The following MBOAT2 variants were observed in gnomAD, a reference collection of about 807,000 sequenced individuals.
MBOAT2 encodes membrane-bound glycerophospholipid O-acyltransferase 2.
In MBOAT2, 28 loss-of-function variants were observed where a neutral mutation model predicts 63.4. That is an observed-to-expected ratio of 0.44 (90% CI 0.33 to 0.61). The LOEUF is 0.61. Ranked by LOEUF, MBOAT2 falls within the 20% of genes least tolerant of loss-of-function variation. MBOAT2 has a pLI of 0.03. For missense variants in MBOAT2, 470 were observed against 605.8 expected, an observed-to-expected ratio of 0.78 and a Z score of 2.35; for synonymous variants, 211 against 215.6, an observed-to-expected ratio of 0.98 and a Z score of 0.19.
chr2:8,995,716 A>G (rs1573281807), intron 1 of MBOAT2, among the ~76,000 whole-genome samples: 1 of 149,160 alleles, frequency 6.7e-6, no homozygotes, highest in Non-Finnish European at 1.5e-5. Context: ...TCAGCCTCCC[A>G]AGTAGCTGGG....
chr2:8,920,117 GC>G (rs1246456689), intron 3 of MBOAT2, among the ~76,000 whole-genome samples: 1 of 152,024 alleles, frequency 6.6e-6, no homozygotes, highest in Admixed American at 6.6e-5. Flanking sequence ...AGAAGTCTTT[GC>G]CCAATCACAA....
At chr2:8,974,699 T>C (rs1347409722) in intron 1 of MBOAT2, among the ~76,000 whole-genome samples, 5 of 152,182 alleles carry the variant, frequency 3.3e-5, no homozygotes, top group Admixed American at 2.6e-4. Flanking sequence ...TGGGCATTTA[T>C]TATCTACTCC....
intron 12 of MBOAT2, among the ~76,000 whole-genome samples, chr2:8,859,227 C>T (rs1197914731): frequency 6.6e-6 from 1 of 152,122 alleles, no homozygotes; most frequent in Non-Finnish European, 1.5e-5. Context: ...ATCTGAAAAT[C>T]TCCCCAATCC....
chr2:9,003,150 C>A lies in MBOAT2; in HGVS notation c.75+390G>T, dbSNP rs572057794. Among the ~76,000 whole-genome samples, 15 of 152,260 alleles carry A rather than the reference C, an allele frequency of 9.9e-5. No homozygotes were observed. The highest frequency in any genetic ancestry group is 3.4e-4 in the African/African-American group (14 of 41,556). On this transcript the variant is annotated intron_variant, in intron 1 of 12. Coordinates refer to ENST00000305997, the MANE Select transcript of MBOAT2 (RefSeq NM_138799.4). The surrounding 1 kb of genome is among the most constrained non-coding windows in gnomAD (Gnocchi z 5.4). ...CCAGGCTCCCCAAAGCGCAGCCTTC[C>A]GCACCCTTTCCACAACCCGGTCCAT...
At chr2:8,958,007 T>C (rs1669347342) in intron 2 of MBOAT2, among the ~76,000 whole-genome samples, 1 of 152,266 alleles carries the variant, frequency 6.6e-6, no homozygotes, top group Non-Finnish European at 1.5e-5. Context: ...AAGCTTTCCA[T>C]CATAAATAAT....
In MBOAT2 at chr2:8,862,431, T is replaced by G; in HGVS notation, c.1185+159A>C. The stretch of plus-strand genomic sequence containing the variant: ...ATGGAGCCTAGCCCGTGGTGAGCGC[T>G]CAGCAAACATGCACGCAGTACACAC... On this transcript the variant is annotated intron_variant, in intron 11 of 12. Transcript: ENST00000305997. The surrounding 1 kb of genome is among the most constrained non-coding windows in gnomAD (Gnocchi z 4.3). 1 of 1,313,258 alleles carries G rather than the reference T, an allele frequency of 7.6e-7. No individual in the cohort carries two copies. The allele number at this position is 1,313,258 out of a possible 1,614,324, so 81.4% of individuals were successfully genotyped here.
chr2:8,881,321 G>A (rs1055098157), intron 6 of MBOAT2, among the ~76,000 whole-genome samples: 10 of 152,280 alleles, frequency 6.6e-5, no homozygotes, highest in African/African-American at 2.2e-4. Context: ...GAGTATGGGG[G>A]ACGGTGTGTT....
intron 4 of MBOAT2, among the ~76,000 whole-genome samples, chr2:8,893,264 AG>A (rs1664153629): frequency 6.6e-6 from 1 of 152,170 alleles, no homozygotes; most frequent in Non-Finnish European, 1.5e-5. Flanking sequence ...GTTTTTGACC[AG>A]GGTAACTAAC....
chr2:8,924,850 A>G (rs1666831611), intron 3 of MBOAT2, among the ~76,000 whole-genome samples: 1 of 152,164 alleles, frequency 6.6e-6, no homozygotes, highest in Non-Finnish European at 1.5e-5. Context: ...TATTGGTATT[A>G]AGCAAGATTA....
At chr2:8,972,976 C>G (rs1670558086) in intron 1 of MBOAT2, among the ~76,000 whole-genome samples, 1 of 152,196 alleles carries the variant, frequency 6.6e-6, no homozygotes, top group African/African-American at 2.4e-5. Flanking sequence ...CCTCAAGGAT[C>G]TCGAACTAGA....
At chr2:8,961,515 T>A (rs1032057665) in intron 1 of MBOAT2, among the ~76,000 whole-genome samples, 14 of 151,756 alleles carry the variant, frequency 9.2e-5, no homozygotes, top group African/African-American at 3.4e-4. Flanking sequence ...CACAGGGCCA[T>A]CCACAGGGGA....
At chr2:8,978,996 G>C (rs1464568414) in intron 1 of MBOAT2, among the ~76,000 whole-genome samples, 1 of 151,774 alleles carries the variant, frequency 6.6e-6, no homozygotes, top group Non-Finnish European at 1.5e-5. Context: ...CTACCTATCT[G>C]TTATTTAAAA....
At chr2:8,983,580 G>C (rs1434423128) in intron 1 of MBOAT2, among the ~76,000 whole-genome samples, 2 of 152,148 alleles carry the variant, frequency 1.3e-5, no homozygotes, top group African/African-American at 4.8e-5. Flanking sequence ...AGACTAAAGA[G>C]ACATGCGAAC....
intron 9 of MBOAT2, among the ~76,000 whole-genome samples, chr2:8,864,597 G>A (rs544631513): frequency 3.3e-5 from 5 of 151,822 alleles, no homozygotes; most frequent in South Asian, 2.1e-4. Flanking sequence ...CCTCCTTCCC[G>A]CCAAGCTCCG....
chr2:8,984,215 A>C (rs1671395214), intron 1 of MBOAT2, among the ~76,000 whole-genome samples: 1 of 152,220 alleles, frequency 6.6e-6, no homozygotes, highest in Non-Finnish European at 1.5e-5. Context: ...TCAACTTCAC[A>C]GAAACAAAAG....
chr2:8,916,798 C>T (rs1326718338), intron 3 of MBOAT2, among the ~76,000 whole-genome samples: 2 of 152,184 alleles, frequency 1.3e-5, no homozygotes, highest in Non-Finnish European at 2.9e-5. Flanking sequence ...ATTCTGCCTT[C>T]CCCTCTGTTT....
At chr2:8,977,297 A>G (rs1281923721) in intron 1 of MBOAT2, among the ~76,000 whole-genome samples, 1 of 152,146 alleles carries the variant, frequency 6.6e-6, no homozygotes, top group African/African-American at 2.4e-5. Flanking sequence ...GATTGAGATT[A>G]CTTTCCCTCT....
rs962143748 is a variant in MBOAT2 at position 8,872,972 on chromosome 2, G to C, written c.883+136C>G. On this transcript the variant is annotated intron_variant, in intron 8 of 12. Coordinates refer to ENST00000305997, the MANE Select transcript of MBOAT2 (RefSeq NM_138799.4). ...TACTTACATATGAGTTGCGAGGGCT[G>C]TTTTTTCTACACAGATGACTTAATT... 7.4e-6 allele frequency: 5 copies of C among 674,536 alleles called. No individual in the cohort carries two copies. The Admixed American group carries it at 1.3e-4, about 18-fold the overall frequency. The allele number at this position is 674,536 out of a possible 1,614,324, so 41.8% of individuals were successfully genotyped here.
rs376088967 is a variant in MBOAT2 at position 8,940,323 on chromosome 2, G to A, written c.299+2864C>T. ...CTCTCTTTTTTTGAGATGGAGTCTC[G>A]CTCTGTTGCACAGGCTGGAGTGCAG... On this transcript the variant is annotated intron_variant, in intron 3 of 12. Transcript: ENST00000305997. Among the ~76,000 whole-genome samples, 4 of 151,822 alleles carry A rather than the reference G, an allele frequency of 2.6e-5. No homozygotes were observed. In the East Asian group the frequency reaches 5.8e-4, roughly 22 times the overall value.
Sources: gnomAD v4.1 joint callset for allele counts (sites outside exome capture counted in the v4.1 genomes callset) on GRCh38, gnomAD v4.1.1 for gene constraint, Gnocchi (gnomAD v3.1) non-coding constraint, MANE v1.5 for transcripts, NCBI Gene and HGNC (gene_info 2026-07-23, HGNC 2026-07-21) for gene names.